Variants in WNT16 observed in about 807,000 individuals in gnomAD.
The protein encoded by WNT16 is protein Wnt-16.
WNT16 carries 20 observed loss-of-function variants against 35.4 expected under a neutral mutation model. The ratio of observed to expected loss-of-function variants is 0.56; its 90% CI spans 0.40 to 0.82. The LOEUF is 0.82. Among genes scored for constraint, WNT16 ranks in the 40% least tolerant of loss-of-function variants. The pLI, the probability that WNT16 is intolerant of heterozygous loss-of-function variation, is 0.00. For synonymous variants in WNT16, 180 were observed against 179.2 expected (o/e 1.00, Z -0.03); for missense variants, 461 against 466.0 (o/e 0.99, Z 0.10).
At chr7:121,331,566 T>C in intron 2 of WNT16, 112 bp from the exon 3 acceptor site, 1 of 949,156 alleles carries the variant, frequency 1.1e-6, no homozygotes, top group Non-Finnish European at 1.6e-6. Flanking sequence ...ACGCATCCAT[T>C]GTAAGCAACT....
At chr7:121,338,321 T>A (rs1395969193) in intron 3 of WNT16, among the ~76,000 whole-genome samples, 2 of 152,234 alleles carry the variant, frequency 1.3e-5, no homozygotes, top group Non-Finnish European at 2.9e-5. Context: ...CCATGATGTT[T>A]CTATGCACCA....
chr7:121,326,800 A>C (rs893682108), upstream of WNT16, among the ~76,000 whole-genome samples: 17 of 152,174 alleles, frequency 1.1e-4, no homozygotes, highest in Admixed American at 9.2e-4. Context: ...TTTTTAAAAA[A>C]TCAAACACCT....
At chr7:121,325,378 AC>A, upstream of WNT16, 1 of 1,601,492 alleles carries the variant, frequency 6.2e-7, no homozygotes, top group Non-Finnish European at 8.5e-7. Flanking sequence ...GCCTGCAAAA[AC>A]CACAGAGGGC....
chr7:121,331,987 A>T, intron 3 of WNT16, 23 bp downstream of exon 3: 1 of 1,609,976 alleles, frequency 6.2e-7, no homozygotes, highest in Non-Finnish European at 8.5e-7. Flanking sequence ...AAATGGAATA[A>T]TCAAAACCCA....
In WNT16 at chr7:121,338,954, G is replaced by A. The variant is rs1793482812; in HGVS notation, c.707G>A (p.Trp236Ter). 1.2e-6 allele frequency: 2 copies of A among 1,614,058 alleles called. No individual in the cohort carries two copies. Among genetic ancestry groups the A allele is most frequent in the Non-Finnish European group, 1.7e-6 (2 of 1,180,014 alleles). ...VSGSCAVKTC[W>*]KTMSSFEKIG... The stretch of plus-strand genomic sequence containing the variant: ...GGCTCCTGTGCTGTGAAAACATGCT[G>A]GAAAACCATGTCTTCTTTTGAAAAG... The change falls in exon 4 of 4, where the codon TGG becomes TAG. Residue 236 changes from tryptophan to a stop codon, truncating the protein, a stop_gained. Coordinates refer to ENST00000222462, the MANE Select transcript of WNT16 (RefSeq NM_057168.2). LOFTEE classifies it high-confidence loss of function.
chr7:121,339,226 C>T lies in WNT16; in HGVS notation c.979C>T (p.Arg327Ter), dbSNP rs769835842. ...ADGCNLLCCGRGYNTHVVRHV... is the reference protein window; with the variant it reads ...ADGCNLLCCG ...TGGCTGCAACCTCCTCTGCTGTGGC[C>T]GAGGTTACAACACCCATGTGGTCAG... The change falls in exon 4 of 4, where the codon CGA becomes TGA. Residue 327 changes from arginine to a stop codon, truncating the protein, a stop_gained. Transcript: ENST00000222462. LOFTEE classifies it high-confidence loss of function. The T allele has an allele frequency of 4.3e-6, 7 of 1,614,016 alleles. No homozygotes were observed. The highest frequency in any genetic ancestry group is 2.2e-5 in the East Asian group (1 of 44,874).
In WNT16 at chr7:121,329,548, G is replaced by A; in HGVS notation, c.96-19G>A. On this transcript the variant is annotated intron_variant, in intron 1 of 3. Coordinates refer to ENST00000222462, the MANE Select transcript of WNT16 (RefSeq NM_057168.2). ...GAATTGGGGAGCGGCTTAACGCTAC[G>A]GGCGGCCGTGTCTTACAGGTGGTTG... The A allele has an allele frequency of 1.2e-6, 2 of 1,611,870 alleles. No individual in the cohort carries two copies. Among genetic ancestry groups the A allele is most frequent in the South Asian group, 2.2e-5 (2 of 90,994 alleles).
Position 121,330,244 on chromosome 7 carries a change from T to A in WNT16, c.346+427T>A, listed in dbSNP as rs532036140. On this transcript the variant is annotated intron_variant, in intron 2 of 3. Transcript: ENST00000222462. ...CGCTGCGCACCAAACCCCGGACAAGTGGCTAATTGCAGCGAAGCCCCACCT... is the reference window on the plus strand; with the variant it reads ...CGCTGCGCACCAAACCCCGGACAAGAGGCTAATTGCAGCGAAGCCCCACCT... Among the ~76,000 whole-genome samples the A allele has an allele frequency of 3.9e-5, 6 of 152,306 alleles. No homozygotes were observed. The East Asian group carries it at 1.2e-3, about 29-fold the overall frequency.
chr7:121,331,416 A>G (rs893120181), intron 2 of WNT16, among the ~76,000 whole-genome samples: 18 of 152,254 alleles, frequency 1.2e-4, no homozygotes, highest in Non-Finnish European at 2.5e-4. Flanking sequence ...TAAAAAATAA[A>G]GAGATGATTT....
rs200786608 is a variant in WNT16, at chr7:121,338,960, C to A, written c.713C>A (p.Thr238Asn). The A allele has an allele frequency of 4.5e-5, 72 of 1,613,996 alleles. No homozygotes were observed. Among genetic ancestry groups the A allele is most frequent in the Non-Finnish European group, 6.1e-5 (72 of 1,180,030 alleles). Residue 238 changes from threonine to asparagine, a missense_variant, in exon 4 of 4, where the codon ACC (threonine) becomes AAC (asparagine). By Grantham distance (65) the Thr-to-Asn change is moderately conservative. Coordinates refer to ENST00000222462, the MANE Select transcript of WNT16 (RefSeq NM_057168.2). ...TGTGCTGTGAAAACATGCTGGAAAA[C>A]CATGTCTTCTTTTGAAAAGATTGGC... is the stretch of plus-strand genomic sequence containing the variant. Reference protein sequence around the residue: ...GSCAVKTCWKTMSSFEKIGHL... With the variant: ...GSCAVKTCWKNMSSFEKIGHL...
chr7:121,327,349 CTTTTTTTTTT>C (rs34420179), upstream of WNT16, among the ~76,000 whole-genome samples: 5 of 121,554 alleles, frequency 4.1e-5, no homozygotes, highest in Non-Finnish European at 8.4e-5. Flanking sequence ...CTATCTAATC[CTTTTTTTTTT>C]TTTTTTTTTG....
At chr7:121,337,385 T>A (rs1793460630) in intron 3 of WNT16, among the ~76,000 whole-genome samples, 1 of 152,256 alleles carries the variant, frequency 6.6e-6, no homozygotes, top group Non-Finnish European at 1.5e-5. Context: ...AACATAACAT[T>A]CTGCAAACGT....
chr7:121,326,795 A>T (rs1465065986), upstream of WNT16, among the ~76,000 whole-genome samples: 2 of 152,084 alleles, frequency 1.3e-5, no homozygotes, highest in Non-Finnish European at 2.9e-5. Context: ...TTGATTTTTT[A>T]AAAAATCAAA....
At position 121,338,991 on chromosome 7, in the gene WNT16, G is replaced by T; in HGVS notation, c.744G>T (p.Leu248Phe). The T allele has an allele frequency of 6.2e-7, 1 of 1,614,102 alleles. No homozygotes were observed. Among genetic ancestry groups the T allele is most frequent in the Non-Finnish European group, 8.5e-7 (1 of 1,180,006 alleles). Residue 248 changes from leucine to phenylalanine, a missense_variant, in exon 4 of 4, where the codon TTG becomes TTT. Transcript: ENST00000222462. ...TMSSFEKIGH[L>F]LKDKYENSIQ... ...CTTCTTTTGAAAAGATTGGCCATTT[G>T]TTGAAGGATAAATATGAAAACAGTA... is the stretch of plus-strand genomic sequence containing the variant.
chr7:121,334,202 C>T (rs1562876447), intron 3 of WNT16, among the ~76,000 whole-genome samples: 2 of 151,926 alleles, frequency 1.3e-5, no homozygotes, highest in African/African-American at 4.8e-5. Flanking sequence ...AGTTTTCTCT[C>T]CTGAATCATT....
chr7:121,336,227 T>C (rs947451473), intron 3 of WNT16, among the ~76,000 whole-genome samples: 4 of 151,978 alleles, frequency 2.6e-5, no homozygotes, highest in African/African-American at 7.2e-5. Flanking sequence ...TATATGCATA[T>C]ATATGTGTGT....
In WNT16 at chr7:121,329,653, A is replaced by G. The variant is rs778395152; in HGVS notation, c.182A>G (p.Lys61Arg). 3 of 1,614,074 alleles carry G rather than the reference A, an allele frequency of 1.9e-6. No homozygotes were observed. In the African/African-American group the frequency reaches 4.0e-5, roughly 22 times the overall value. Residue 61 changes from lysine to arginine, a missense_variant, in exon 2 of 4, where the codon AAG becomes AGG. Coordinates refer to ENST00000222462, the MANE Select transcript of WNT16 (RefSeq NM_057168.2). ...PLNSRQKELC[K>R]RKPYLLPSIR... The stretch of plus-strand genomic sequence containing the variant: ...AACAGCCGCCAGAAGGAGCTGTGCA[A>G]GAGGAAACCGTACCTGCTGCCGAGC...
At chr7:121,332,901 A>G (rs1406805137) in intron 3 of WNT16, among the ~76,000 whole-genome samples, 1 of 152,080 alleles carries the variant, frequency 6.6e-6, no homozygotes, top group African/African-American at 2.4e-5. Flanking sequence ...CTTAAAATGC[A>G]TCATTCTTGT....
At chr7:121,336,697 G>A (rs1793451369) in intron 3 of WNT16, among the ~76,000 whole-genome samples, 1 of 152,196 alleles carries the variant, frequency 6.6e-6, no homozygotes, top group Non-Finnish European at 1.5e-5. Context: ...TTTACCAACA[G>A]AGGATGAGAT....
Sources: allele counts gnomAD v4.1 joint callset (sites outside exome capture counted in the v4.1 genomes callset), GRCh38; gene constraint gnomAD v4.1.1; transcripts MANE v1.5; gene names NCBI Gene and HGNC (gene_info 2026-07-23, HGNC 2026-07-21).